Variants in FHIT observed in about 807,000 individuals in gnomAD.
FHIT encodes fragile histidine triad diadenosine triphosphatase, also known as bis(5'-adenosyl)-triphosphatase.
A neutral mutation model predicts 17.9 loss-of-function variants in FHIT; 19 were observed. The ratio of observed to expected loss-of-function variants is 1.06; its 90% CI spans 0.74 to 1.56. The LOEUF is 1.56. Among genes scored for constraint, FHIT ranks in the 40% most tolerant of loss-of-function variants. The pLI, the probability that FHIT is intolerant of heterozygous loss-of-function variation, is 0.00. For missense variants in FHIT, 248 were observed against 189.2 expected, an observed-to-expected ratio of 1.31 and a Z score of -1.82; for synonymous variants, 81 against 69.7, an observed-to-expected ratio of 1.16 and a Z score of -0.81.
chr3:60,701,573 C>T (rs1338034846), intron 4 of FHIT, among the ~76,000 whole-genome samples: 1 of 151,958 alleles, frequency 6.6e-6, no homozygotes, highest in Non-Finnish European at 1.5e-5. Flanking sequence ...GTGGGGGCCA[C>T]AAGACCAGAT....
intron 8 of FHIT, chr3:59,886,271 C>T (rs1315055824): frequency 2.0e-5 from 3 of 152,268 alleles, no homozygotes; most frequent in African/African-American, 7.2e-5. Context: ...CCACATTTCA[C>T]CTGAGCATCC....
intron 8 of FHIT, among the ~76,000 whole-genome samples, chr3:59,817,562 TAAAA>T (rs10691937): frequency 1.1e-5 from 1 of 93,938 alleles, no homozygotes; most frequent in Non-Finnish European, 2.0e-5. Context: ...CACCCGTCAC[TAAAA>T]AAAAAAAAAA....
chr3:60,249,525 T>A (rs948922005), intron 5 of FHIT, among the ~76,000 whole-genome samples: 3 of 142,906 alleles, frequency 2.1e-5, no homozygotes, highest in Non-Finnish European at 4.7e-5. Flanking sequence ...GTTGGACCAA[T>A]AAGGATGAAG....
chr3:60,593,394 T>C (rs2038155807), intron 4 of FHIT, among the ~76,000 whole-genome samples: 1 of 152,096 alleles, frequency 6.6e-6, no homozygotes, highest in Non-Finnish European at 1.5e-5. Flanking sequence ...AATTTACACT[T>C]GCATGCATAT....
intron 5 of FHIT, among the ~76,000 whole-genome samples, chr3:60,352,392 T>A (rs1315317412): frequency 1.3e-5 from 2 of 152,194 alleles, no homozygotes. Flanking sequence ...ATATCACAGG[T>A]ACTCACTATA....
intron 5 of FHIT, among the ~76,000 whole-genome samples, chr3:60,244,531 G>C (rs1392731362): frequency 6.6e-6 from 1 of 152,032 alleles, no homozygotes; most frequent in Admixed American, 6.6e-5. Flanking sequence ...ACAGTAAATA[G>C]CTTTTTTACT....
chr3:60,742,693 C>T (rs989962173), intron 4 of FHIT, among the ~76,000 whole-genome samples: 27 of 152,342 alleles, frequency 1.8e-4, no homozygotes, highest in African/African-American at 6.3e-4. Context: ...TAATGAGTCA[C>T]CACTTTTGCA....
chr3:60,267,554 A>G (rs773969203), intron 5 of FHIT, among the ~76,000 whole-genome samples: 6 of 152,116 alleles, frequency 3.9e-5, no homozygotes, highest in Non-Finnish European at 7.4e-5. Context: ...CAGCATGTTT[A>G]TCCTAGGTCT....
At chr3:60,071,835 T>C (rs927077969) in intron 5 of FHIT, among the ~76,000 whole-genome samples, 1 of 152,208 alleles carries the variant, frequency 6.6e-6, no homozygotes, top group Non-Finnish European at 1.5e-5. Context: ...TCCCATGCTG[T>C]TCTCATGATA....
intron 7 of FHIT, among the ~76,000 whole-genome samples, chr3:60,007,957 C>G (rs1039655858): frequency 2.6e-5 from 4 of 152,106 alleles, no homozygotes; most frequent in African/African-American, 9.7e-5. Context: ...GTAGTTTTCT[C>G]AGTTTCCTTC....
intron 8 of FHIT, among the ~76,000 whole-genome samples, chr3:59,788,306 T>C (rs1158737999): frequency 5.9e-5 from 9 of 152,134 alleles, no homozygotes; most frequent in Non-Finnish European, 1.2e-4. Context: ...CTGACAGCTA[T>C]CCCTATGGCT....
chr3:61,230,149 T>C (rs1383051928), intron 1 of FHIT, among the ~76,000 whole-genome samples: 2 of 152,302 alleles, frequency 1.3e-5, no homozygotes, highest in East Asian at 3.9e-4. Context: ...AAGACTTGGA[T>C]CAATGAGATA....
chr3:59,889,421 A>G (rs1703757058), intron 8 of FHIT, among the ~76,000 whole-genome samples: 1 of 152,262 alleles, frequency 6.6e-6, no homozygotes, highest in African/African-American at 2.4e-5. Flanking sequence ...CACGTACCAC[A>G]GGCCATTAGG....
chr3:61,035,575 G>C (rs1364967001), intron 3 of FHIT, among the ~76,000 whole-genome samples: 2 of 152,112 alleles, frequency 1.3e-5, no homozygotes, highest in Non-Finnish European at 2.9e-5. Context: ...GGGAGCCTGA[G>C]GTCTAATTCT....
intron 4 of FHIT, among the ~76,000 whole-genome samples, chr3:60,758,110 A>G (rs551256630): frequency 5.3e-5 from 8 of 152,106 alleles, no homozygotes; most frequent in Non-Finnish European, 1.2e-4. Context: ...CTCCAAGCAG[A>G]GTTTCTCACA....
intron 3 of FHIT, among the ~76,000 whole-genome samples, chr3:60,931,554 A>C (rs893540528): frequency 2.0e-5 from 3 of 152,014 alleles, no homozygotes; most frequent in African/African-American, 7.2e-5. Flanking sequence ...GCAAAGGAAA[A>C]TGAAGCGGTC....
At chr3:61,023,994 C>T (rs1338017767) in intron 3 of FHIT, among the ~76,000 whole-genome samples, 1 of 152,064 alleles carries the variant, frequency 6.6e-6, no homozygotes, top group Non-Finnish European at 1.5e-5. Flanking sequence ...CCAAAATTGA[C>T]AAATGGGATC....
At chr3:60,655,243 A>G (rs907825621) in intron 4 of FHIT, among the ~76,000 whole-genome samples, 4 of 152,178 alleles carry the variant, frequency 2.6e-5, no homozygotes, top group Admixed American at 2.6e-4. Flanking sequence ...GAAGGGTGGG[A>G]CTGGGAACTG....
chr3:61,155,231 C>T (rs1184535195), intron 2 of FHIT, among the ~76,000 whole-genome samples: 2 of 152,172 alleles, frequency 1.3e-5, no homozygotes, highest in African/African-American at 2.4e-5. Flanking sequence ...TATGAGCACA[C>T]CCATTTCATG....
Sources: gnomAD v4.1 joint callset for allele counts (sites outside exome capture counted in the v4.1 genomes callset) on GRCh38, gnomAD v4.1.1 for gene constraint, MANE v1.5 for transcripts, NCBI Gene and HGNC (gene_info 2026-07-23, HGNC 2026-07-21) for gene names.